KANK1: variants seen among roughly 807,000 people sequenced by gnomAD.
The protein encoded by KANK1 is KN motif and ankyrin repeat domains 1.
In KANK1, 109 loss-of-function variants were observed where a neutral mutation model predicts 106.2. The observed-to-expected ratio is 1.03, with a 90% CI of 0.88 to 1.20. The LOEUF (loss-of-function observed/expected upper bound fraction) is 1.20, where lower values mean the gene tolerates loss of function less well. KANK1 is among the 50% of genes most tolerant of loss of function. The pLI is 0.00. For missense variants in KANK1, 2,399 were observed against 1,710.7 expected, an observed-to-expected ratio of 1.40 and a Z score of -7.10; for synonymous variants, 873 against 652.2, an observed-to-expected ratio of 1.34 and a Z score of -5.16.
chr9:484,120 GC>G (rs1392219484), intron 3 of KANK1, among the ~76,000 whole-genome samples: 1 of 152,192 alleles, frequency 6.6e-6, no homozygotes, highest in African/African-American at 2.4e-5. Flanking sequence ...GCACTTGTGA[GC>G]TGAGGGCAGC....
At chr9:710,328 C>T (rs1365376559) in intron 2 of KANK1, among the ~76,000 whole-genome samples, 2 of 152,072 alleles carry the variant, frequency 1.3e-5, no homozygotes, top group Admixed American at 1.3e-4. Context: ...TATTAACTTG[C>T]TTACCCAAGC....
chr9:478,085 C>T (rs1210090919), intron 3 of KANK1: 2 of 215,818 alleles, frequency 9.3e-6, no homozygotes, highest in African/African-American at 2.3e-5. Flanking sequence ...GTACTTTCTG[C>T]CTCTGCCGTG....
chr9:664,983 T>C (rs1588702871), intron 1 of KANK1, among the ~76,000 whole-genome samples: 1 of 152,338 alleles, frequency 6.6e-6, no homozygotes, highest in East Asian at 1.9e-4. Flanking sequence ...GAAATACCTG[T>C]TCAGGCCTTT....
At chr9:684,654 A>C in intron 2 of KANK1, 1 of 852,724 alleles carries the variant, frequency 1.2e-6, no homozygotes, top group African/African-American at 1.8e-5. Context: ...AGCCCATCAA[A>C]GGTATAGCTC....
chr9:609,504 C>G (rs183585808), intron 1 of KANK1, among the ~76,000 whole-genome samples: 278 of 151,890 alleles, frequency 1.8e-3, no homozygotes, highest in African/African-American at 6.4e-3. Flanking sequence ...TGGCGTGCAC[C>G]CTTAGTCCCG....
chr9:570,054 A>C lies in KANK1; in HGVS notation c.-84+65300A>C, dbSNP rs144871037. Among the ~76,000 whole-genome samples the C allele has an allele frequency of 3.3e-5, 5 of 152,164 alleles. No individual in the cohort carries two copies. The East Asian group carries it at 7.7e-4, about 24-fold the overall frequency. ...AAACAATTATTTAGGAGAATAGAAT[A>C]GTTTTTTTCTCCTTGTATTGGGTTT... is the stretch of plus-strand genomic sequence containing the variant. On this transcript the variant is annotated intron_variant, in intron 1 of 11. Transcript: ENST00000382297.
At chr9:597,216 T>G (rs1826437528) in intron 1 of KANK1, among the ~76,000 whole-genome samples, 1 of 151,848 alleles carries the variant, frequency 6.6e-6, no homozygotes. Flanking sequence ...GTCCCTGTTT[T>G]CAGTTCTTTT....
chr9:570,878 T>G (rs1818975762), intron 1 of KANK1, among the ~76,000 whole-genome samples: 2 of 152,224 alleles, frequency 1.3e-5, no homozygotes, highest in Admixed American at 1.3e-4. Context: ...TGTAAGTTTT[T>G]GACTTTTTGC....
chr9:504,556 C>G (rs1013627317), upstream of KANK1: 1 of 151,566 alleles, frequency 6.6e-6, no homozygotes, highest in Non-Finnish European at 1.5e-5. Flanking sequence ...GGCGCAGCCA[C>G]AGCTGTCGCC....
rs560952648 is a variant in KANK1 at position 528,300 on chromosome 9, C to T, written c.-84+23546C>T. On this transcript the variant is annotated intron_variant, in intron 1 of 11. Transcript: ENST00000382297. ...TAAAAAATTATATTTAGATAACTTT[C>T]CCTCTTTTCATTGAATTTGCATTTT... Among the ~76,000 whole-genome samples, 18 of 151,716 alleles carry T rather than the reference C, an allele frequency of 1.2e-4. No individual in the cohort carries two copies. The South Asian group carries it at 2.1e-3, about 18-fold the overall frequency.
At chr9:605,703 C>G (rs1160101969) in intron 1 of KANK1, among the ~76,000 whole-genome samples, 1 of 151,672 alleles carries the variant, frequency 6.6e-6, no homozygotes, top group African/African-American at 2.4e-5. Context: ...AGAGAATAAG[C>G]ATGATCAGGC....
At chr9:730,346 AAG>A (rs1831878478) in intron 4 of KANK1, 98 bp downstream of exon 4, 1 of 1,233,406 alleles carries the variant, frequency 8.1e-7, no homozygotes, top group African/African-American at 1.5e-5. Context: ...ATTGACCTGG[AAG>A]AAAGTTAATA....
chr9:710,631 AAAAAAAAAC>A (rs1564031044), intron 2 of KANK1, among the ~76,000 whole-genome samples, 164 bp from the exon 3 acceptor site: 17 of 38,664 alleles, frequency 4.4e-4, no homozygotes, highest in African/African-American at 3.5e-3. Flanking sequence ...AAAAAAAAAC[AAAAAAAAAC>A]AAAAAAAACT....
intron 3 of KANK1, among the ~76,000 whole-genome samples, chr9:474,169 C>G (rs1239588518): frequency 6.6e-6 from 1 of 152,190 alleles, no homozygotes; most frequent in East Asian, 1.9e-4. Flanking sequence ...AGGTACCTGC[C>G]TATCTGTCTG....
chr9:710,549 C>A (rs957212266), intron 2 of KANK1, among the ~76,000 whole-genome samples: 4 of 141,730 alleles, frequency 2.8e-5, no homozygotes, highest in Admixed American at 1.6e-4. Flanking sequence ...TCCCAGGAGA[C>A]GGAGGCTGCA....
intron 3 of KANK1, among the ~76,000 whole-genome samples, chr9:725,640 A>C (rs1368380602): frequency 6.6e-6 from 1 of 152,088 alleles, no homozygotes; most frequent in African/African-American, 2.4e-5. Context: ...GGTGGTGGGG[A>C]ATGTCAGAAA....
intron 1 of KANK1, among the ~76,000 whole-genome samples, chr9:579,515 G>A (rs1454975510): frequency 6.6e-6 from 1 of 152,148 alleles, no homozygotes; most frequent in Non-Finnish European, 1.5e-5. Context: ...TCCACAGCAT[G>A]CAACACACAG....
Position 734,723 on chromosome 9 carries a change from C to T in KANK1, c.3246-25C>T, listed in dbSNP as rs368502606. The stretch of plus-strand genomic sequence containing the variant: ...AAATGATTTTCTTCTTGTGACCAAT[C>T]GTAACTTGTTTTTTCTCCTTTCAGG... On this transcript the variant is annotated intron_variant, in intron 6 of 11. Transcript: ENST00000382297. 3.0e-5 allele frequency: 45 copies of T among 1,503,006 alleles called. 1 individual carries two copies. Among genetic ancestry groups the T allele is most frequent in the African/African-American group, 9.6e-5 (7 of 72,692 alleles). 93.1% of individuals were successfully genotyped at this position (1,503,006 alleles called of 1,614,324 possible). A position where few individuals can be genotyped will look rare whatever the true frequency, so the allele number is the denominator to read the frequency against.
At chr9:634,053 GTTAA>G (rs1169900990) in intron 1 of KANK1, among the ~76,000 whole-genome samples, 2 of 152,218 alleles carry the variant, frequency 1.3e-5, no homozygotes, top group African/African-American at 2.4e-5. Flanking sequence ...AACTTCTGGG[GTTAA>G]TTAATTTGTA....
Sources: allele counts gnomAD v4.1 joint callset (sites outside exome capture counted in the v4.1 genomes callset), GRCh38; gene constraint gnomAD v4.1.1; transcripts MANE v1.5; gene names NCBI Gene and HGNC (gene_info 2026-07-23, HGNC 2026-07-21).